Variants in ELMOD2 observed in about 807,000 individuals in gnomAD.
The protein encoded by ELMOD2 is ELMO domain-containing protein 2.
In ELMOD2, 28 loss-of-function variants were observed where a neutral mutation model predicts 41.0. That is an observed-to-expected ratio of 0.68 (90% CI 0.51 to 0.94). The LOEUF (loss-of-function observed/expected upper bound fraction) is 0.94, where lower values mean the gene tolerates loss of function less well. Ranked by LOEUF, ELMOD2 falls within the 40% of genes least tolerant of loss-of-function variation. The probability of loss-of-function intolerance (pLI) is 0.00; values close to 1 mark genes in which losing one functional copy is unlikely to be tolerated. For missense variants in ELMOD2, 333 were observed against 343.1 expected (o/e 0.97, Z 0.23); for synonymous variants, 106 against 107.2 (o/e 0.99, Z 0.07).
At chr4:140,532,754 A>G (rs1434751412) in intron 3 of ELMOD2, among the ~76,000 whole-genome samples, 1 of 152,224 alleles carries the variant, frequency 6.6e-6, no homozygotes, top group Non-Finnish European at 1.5e-5. Context: ...ATTCAGCATC[A>G]TACTAGAGAT....
chr4:140,534,599 T>C (rs1241586436), intron 3 of ELMOD2, among the ~76,000 whole-genome samples: 1 of 152,184 alleles, frequency 6.6e-6, no homozygotes, highest in Non-Finnish European at 1.5e-5. Context: ...GCTTAGAAAC[T>C]AGATGTGGTT....
chr4:140,534,662 A>G (rs1399608199), intron 3 of ELMOD2, among the ~76,000 whole-genome samples: 2 of 152,188 alleles, frequency 1.3e-5, no homozygotes, highest in Non-Finnish European at 2.9e-5. Context: ...AGTTCATTCA[A>G]TCAGTCATTT....
Position 140,550,386 on chromosome 4 carries a change from G to A in ELMOD2, c.*11G>A. The A allele has an allele frequency of 6.3e-7, 1 of 1,583,238 alleles. No homozygotes were observed. Among genetic ancestry groups the A allele is most frequent in the Non-Finnish European group, 8.6e-7 (1 of 1,167,982 alleles). ...ACTTTAAAAGTATAAATCATCCACTGTATCTTCTATTTCTACCACATTTTG... is the reference window on the plus strand; with the variant it reads ...ACTTTAAAAGTATAAATCATCCACTATATCTTCTATTTCTACCACATTTTG... On this transcript the variant is annotated 3_prime_UTR_variant, in exon 9 of 9. Coordinates refer to ENST00000323570, the MANE Select transcript of ELMOD2 (RefSeq NM_153702.4).
intron 3 of ELMOD2, among the ~76,000 whole-genome samples, chr4:140,529,550 A>G (rs1221842882): frequency 1.3e-5 from 2 of 151,012 alleles, no homozygotes. Context: ...GTCCACTAAA[A>G]CTCTTATCTG....
chr4:140,535,678 T>C, intron 3 of ELMOD2, 55 bp from the exon 4 acceptor site: 1 of 1,472,286 alleles, frequency 6.8e-7, no homozygotes, highest in Non-Finnish European at 9.4e-7. Context: ...CTCACAACTA[T>C]GTCTTTTTCA....
Position 140,524,460 on chromosome 4 carries a change from C to G in ELMOD2, c.-10+180C>G, listed in dbSNP as rs531627054. 1.1e-5 allele frequency: 4 copies of G among 380,064 alleles called. No homozygotes were observed. The Admixed American group carries it at 1.9e-4, about 18-fold the overall frequency. The allele number at this position is 380,064 out of a possible 1,614,324, so 23.5% of individuals were successfully genotyped here. On this transcript the variant is annotated intron_variant, in intron 1 of 8. Coordinates refer to ENST00000323570, the MANE Select transcript of ELMOD2 (RefSeq NM_153702.4). ...CGCGCGAGGGGGGTCGGCGCAGAGACGCCCAGAGCCCTGGGGTGCTCAGGC... is the reference window on the plus strand; with the variant it reads ...CGCGCGAGGGGGGTCGGCGCAGAGAGGCCCAGAGCCCTGGGGTGCTCAGGC...
rs1269170733 is a variant in ELMOD2 at position 140,553,362 on chromosome 4, C to T, written c.*2987C>T. 6.6e-6 allele frequency: 1 copy of T among 152,146 alleles called. No individual in the cohort carries two copies. Among genetic ancestry groups the T allele is most frequent in the Non-Finnish European group, 1.5e-5 (1 of 68,006 alleles). 9.4% of individuals were successfully genotyped at this position (152,146 alleles called of 1,614,324 possible). On this transcript the variant is annotated 3_prime_UTR_variant, in exon 9 of 9. Transcript: ENST00000323570. The stretch of plus-strand genomic sequence containing the variant: ...TTCTCAGGATAAATGCTCTACCCCA[C>T]TTCTCTATGAACAGGTGTGGGGAGG...
chr4:140,551,678 G>A lies in ELMOD2; in HGVS notation c.*1303G>A, dbSNP rs929366737. The A allele has an allele frequency of 2.6e-5, 4 of 152,034 alleles. No homozygotes were observed. Among genetic ancestry groups the A allele is most frequent in the African/African-American group, 9.7e-5 (4 of 41,414 alleles). 9.4% of individuals were successfully genotyped at this position (152,034 alleles called of 1,614,324 possible). ...GACATAATTTCATCTAAAACATGAC[G>A]ATATTTAGCACACCTTTTAATGTGG... is the stretch of plus-strand genomic sequence containing the variant. On this transcript the variant is annotated 3_prime_UTR_variant, in exon 9 of 9. Coordinates refer to ENST00000323570, the MANE Select transcript of ELMOD2 (RefSeq NM_153702.4).
intron 8 of ELMOD2, among the ~76,000 whole-genome samples, chr4:140,549,528 A>G (rs1477598469): frequency 6.6e-6 from 1 of 152,038 alleles, no homozygotes; most frequent in Non-Finnish European, 1.5e-5. Flanking sequence ...TTCATTGAAA[A>G]AAAAGTAGAA....
At chr4:140,534,893 T>C (rs1228490886) in intron 3 of ELMOD2, among the ~76,000 whole-genome samples, 1 of 152,120 alleles carries the variant, frequency 6.6e-6, no homozygotes, top group African/African-American at 2.4e-5. Context: ...AACTGGATTT[T>C]TAATGTTTTA....
chr4:140,537,651 G>A (rs1734977875), intron 5 of ELMOD2, 110 bp downstream of exon 5: 1 of 1,307,580 alleles, frequency 7.6e-7, no homozygotes, highest in African/African-American at 1.6e-5. Context: ...AGGCTTATAT[G>A]GTTTCTTTGC....
intron 8 of ELMOD2, among the ~76,000 whole-genome samples, chr4:140,545,394 A>G (rs1281257289): frequency 6.6e-6 from 1 of 152,124 alleles, no homozygotes; most frequent in Non-Finnish European, 1.5e-5. Flanking sequence ...CCTAAGTGGT[A>G]CCATCTGGTC....
intron 6 of ELMOD2, 63 bp downstream of exon 6, chr4:140,540,364 T>C: frequency 6.3e-7 from 1 of 1,579,958 alleles, no homozygotes; most frequent in Non-Finnish European, 8.6e-7. Context: ...CTGATCTAGT[T>C]ACTTCTAATA....
chr4:140,525,598 TAATAAAA>T, intron 2 of ELMOD2, 28 bp downstream of exon 2: 1 of 1,583,158 alleles, frequency 6.3e-7, no homozygotes, highest in East Asian at 2.3e-5. Context: ...GAAAAAGTAC[TAATAAAA>T]GTTTAACGGA....
At chr4:140,546,599 C>T (rs1364723410) in intron 8 of ELMOD2, among the ~76,000 whole-genome samples, 2 of 149,630 alleles carry the variant, frequency 1.3e-5, no homozygotes, top group Non-Finnish European at 3.0e-5. Context: ...AAAAATAAAT[C>T]TTCATAAAAT....
chr4:140,539,802 A>G (rs903178277), intron 5 of ELMOD2, among the ~76,000 whole-genome samples: 2 of 152,188 alleles, frequency 1.3e-5, no homozygotes, highest in Non-Finnish European at 2.9e-5. Context: ...ATTAGGGACT[A>G]TTAACCCACC....
At chr4:140,539,794 T>C (rs1735050381) in intron 5 of ELMOD2, among the ~76,000 whole-genome samples, 1 of 152,216 alleles carries the variant, frequency 6.6e-6, no homozygotes, top group Non-Finnish European at 1.5e-5. Context: ...TCATTCTGAT[T>C]AGGGACTATT....
rs1278970655 is a variant in ELMOD2 at position 140,551,323 on chromosome 4, ACAT to A, written c.*952_*954del. On this transcript the variant is annotated 3_prime_UTR_variant, in exon 9 of 9. Coordinates refer to ENST00000323570, the MANE Select transcript of ELMOD2 (RefSeq NM_153702.4). The stretch of plus-strand genomic sequence containing the variant: ...TAAGTTTTAAAAAAATCTCAGTTAA[ACAT>A]CATTGGTTTATTTGACTTACTGTTA... The A allele has an allele frequency of 6.6e-6, 1 of 152,062 alleles. No homozygotes were observed. The highest frequency in any genetic ancestry group is 1.5e-5 in the Non-Finnish European group (1 of 67,952). The allele number at this position is 152,062 out of a possible 1,614,324, so 9.4% of individuals were successfully genotyped here. A position where few individuals can be genotyped will look rare whatever the true frequency, so the allele number is the denominator to read the frequency against.
chr4:140,549,355 A>ATG (rs1169789875), intron 8 of ELMOD2, among the ~76,000 whole-genome samples: 2 of 148,184 alleles, frequency 1.3e-5, no homozygotes, highest in Admixed American at 6.8e-5. Context: ...AAGTTTACAT[A>ATG]TATGTGTGTG....
Sources: gnomAD v4.1 joint callset for allele counts (sites outside exome capture counted in the v4.1 genomes callset) on GRCh38, gnomAD v4.1.1 for gene constraint, MANE v1.5 for transcripts, NCBI Gene and HGNC (gene_info 2026-07-23, HGNC 2026-07-21) for gene names.